Variants in GRM5 observed in about 807,000 individuals in gnomAD.
The protein encoded by GRM5 is metabotropic glutamate receptor 5.
A neutral mutation model predicts 83.1 loss-of-function variants in GRM5; 19 were observed. That is an observed-to-expected ratio of 0.23 (90% CI 0.16 to 0.34). The LOEUF is 0.34. Among genes scored for constraint, GRM5 ranks in the 10% least tolerant of loss-of-function variants. GRM5 has a pLI of 1.00. For missense variants in GRM5, 1,160 were observed against 1,588.3 expected (o/e 0.73, Z 4.58); for synonymous variants, 675 against 633.6 (o/e 1.07, Z -0.98).
intron 2 of GRM5, among the ~76,000 whole-genome samples, chr11:89,011,485 G>T (rs1940697750): frequency 6.6e-6 from 1 of 152,138 alleles, no homozygotes; most frequent in Admixed American, 6.5e-5. Flanking sequence ...AGAGAAGTTG[G>T]CAGGAGCTGC....
At chr11:88,882,330 T>C (rs1329726029) in intron 2 of GRM5, among the ~76,000 whole-genome samples, 1 of 150,148 alleles carries the variant, frequency 6.7e-6, no homozygotes, top group East Asian at 2.0e-4. Context: ...GGCGGGTAGA[T>C]CACGAGGTCA....
At chr11:88,822,273 C>T (rs1943813309) in intron 3 of GRM5, among the ~76,000 whole-genome samples, 1 of 152,088 alleles carries the variant, frequency 6.6e-6, no homozygotes. Context: ...GTTATAGCCA[C>T]TGTGCTATAC....
chr11:88,594,750 G>C (rs1469923089), intron 6 of GRM5, among the ~76,000 whole-genome samples: 2 of 151,990 alleles, frequency 1.3e-5, no homozygotes, highest in Admixed American at 1.3e-4. Flanking sequence ...TTCAGTTTCA[G>C]TCTTAATCAC....
chr11:88,689,279 A>G (rs951460415), intron 3 of GRM5, among the ~76,000 whole-genome samples: 1 of 152,218 alleles, frequency 6.6e-6, no homozygotes, highest in African/African-American at 2.4e-5. Flanking sequence ...AAAAATTAGT[A>G]AAACACATCC....
chr11:88,766,219 A>C (rs2135444191), intron 3 of GRM5, among the ~76,000 whole-genome samples: 1 of 152,068 alleles, frequency 6.6e-6, no homozygotes, highest in East Asian at 1.9e-4. Context: ...TATAATTTCT[A>C]TGAAGCCACA....
At chr11:88,564,164 G>A (rs544627950) in intron 8 of GRM5, among the ~76,000 whole-genome samples, 11 of 152,244 alleles carry the variant, frequency 7.2e-5, no homozygotes, top group Admixed American at 3.9e-4. Flanking sequence ...GCCTGTGTCA[G>A]CTATAATCAC....
chr11:88,715,433 GA>G (rs5793345), intron 3 of GRM5, among the ~76,000 whole-genome samples: 113,034 of 150,450 alleles, frequency 0.75, 42,476 homozygotes, highest in South Asian at 0.88. Flanking sequence ...ATTTTTTCAT[GA>G]AAAAAAAAAC....
chr11:88,928,917 C>T (rs1393500530), intron 2 of GRM5, among the ~76,000 whole-genome samples: 31 of 107,194 alleles, frequency 2.9e-4, no homozygotes, highest in South Asian at 1.9e-3. Context: ...TACACACACA[C>T]ACACACACAC....
At chr11:88,661,139 A>AAGTAGAC (rs567351467) in intron 3 of GRM5, among the ~76,000 whole-genome samples, 214 of 152,288 alleles carry the variant, frequency 1.4e-3, no homozygotes, top group African/African-American at 4.8e-3. Context: ...TGCTTCCCCA[A>AAGTAGAC]AGTAGACTAC....
intron 3 of GRM5, among the ~76,000 whole-genome samples, chr11:88,794,801 A>C (rs566390874): frequency 6.6e-6 from 1 of 152,356 alleles, no homozygotes; most frequent in South Asian, 2.1e-4. Flanking sequence ...TGGATAAAGA[A>C]TTAGGCCAAA....
intron 8 of GRM5, among the ~76,000 whole-genome samples, chr11:88,560,575 G>A (rs138355704): frequency 6.6e-6 from 1 of 152,216 alleles, no homozygotes; most frequent in Non-Finnish European, 1.5e-5. Context: ...TTAGGACAAA[G>A]CATTATCAGA....
chr11:88,729,564 A>G (rs952642485), intron 3 of GRM5, among the ~76,000 whole-genome samples: 1 of 152,170 alleles, frequency 6.6e-6, no homozygotes, highest in Non-Finnish European at 1.5e-5. Context: ...GAGCCCATAT[A>G]GCCAAGACAA....
At chr11:88,641,077 A>G (rs1466270233) in intron 4 of GRM5, among the ~76,000 whole-genome samples, 1 of 152,152 alleles carries the variant, frequency 6.6e-6, no homozygotes, top group African/African-American at 2.4e-5. Flanking sequence ...CAGGAAGTAT[A>G]GTACAAACAT....
Position 88,818,942 on chromosome 11 carries a change from G to A in GRM5, c.911+30964C>T, listed in dbSNP as rs73541413. 5.1e-3 allele frequency among the ~76,000 whole-genome samples: 775 copies of A among 152,262 alleles called. 14 individuals are homozygous for A. The highest frequency in any genetic ancestry group is 0.018 in the African/African-American group (751 of 41,552). The stretch of plus-strand genomic sequence containing the variant: ...ATTATGAGAGTTTACATTTGTCCTT[G>A]ATAAATTTCAACTTTCTAGAATATG... On this transcript the variant is annotated intron_variant, in intron 3 of 9. Coordinates refer to ENST00000305447, the MANE Select transcript of GRM5 (RefSeq NM_001143831.3).
intron 3 of GRM5, among the ~76,000 whole-genome samples, chr11:88,703,023 C>T (rs533067393): frequency 7.9e-4 from 120 of 152,160 alleles, no homozygotes; most frequent in Admixed American, 1.3e-3. Flanking sequence ...CCTAAGCATG[C>T]TTTAAATTGG....
chr11:88,709,665 T>C (rs549137727), intron 3 of GRM5, among the ~76,000 whole-genome samples: 11 of 152,240 alleles, frequency 7.2e-5, no homozygotes, highest in African/African-American at 2.4e-4. Context: ...GTGGCTGGGC[T>C]GTTTGCCTGG....
At chr11:88,636,524 A>G (rs1376498804) in intron 4 of GRM5, among the ~76,000 whole-genome samples, 2 of 111,258 alleles carry the variant, frequency 1.8e-5, no homozygotes, top group Non-Finnish European at 4.5e-5. Flanking sequence ...AGACTGTCTC[A>G]AAAAAAAAAA....
intron 2 of GRM5, among the ~76,000 whole-genome samples, chr11:89,042,614 C>A (rs1311363237): frequency 6.6e-6 from 1 of 152,056 alleles, no homozygotes; most frequent in African/African-American, 2.4e-5. Flanking sequence ...AAATAAAGTC[C>A]TTTTAAAAAT....
At chr11:88,586,778 G>A (rs1471843839) in intron 7 of GRM5, among the ~76,000 whole-genome samples, 5 of 152,030 alleles carry the variant, frequency 3.3e-5, no homozygotes, top group Admixed American at 6.6e-5. Context: ...GGCATTTCTA[G>A]GTTTGGCATT....
Sources: allele counts gnomAD v4.1 joint callset (sites outside exome capture counted in the v4.1 genomes callset), GRCh38; gene constraint gnomAD v4.1.1; transcripts MANE v1.5; gene names NCBI Gene and HGNC (gene_info 2026-07-23, HGNC 2026-07-21).